The following MMP16 variants were observed in gnomAD, a reference collection of about 807,000 sequenced individuals.
The protein encoded by MMP16 is matrix metallopeptidase 16, also known as matrix metalloproteinase-16.
Under a neutral mutation model 67.8 loss-of-function variants are expected in MMP16, and 12 were observed. The observed-to-expected ratio is 0.18, with a 90% CI of 0.11 to 0.29. The LOEUF (loss-of-function observed/expected upper bound fraction) is 0.29, where lower values mean the gene tolerates loss of function less well. MMP16 is among the 10% of genes least tolerant of loss of function. The pLI is 1.00. For missense variants in MMP16, 475 were observed against 765.7 expected (o/e 0.62, Z 4.48); for synonymous variants, 249 against 255.9 (o/e 0.97, Z 0.26).
intron 6 of MMP16, among the ~76,000 whole-genome samples, chr8:88,104,989 A>G (rs1320308672): frequency 1.3e-5 from 2 of 151,632 alleles, no homozygotes; most frequent in South Asian, 2.1e-4. Flanking sequence ...TAGCCTAAGT[A>G]TAAAATATTT....
chr8:88,317,953 C>T (rs1317113995), intron 1 of MMP16, among the ~76,000 whole-genome samples: 1 of 152,048 alleles, frequency 6.6e-6, no homozygotes, highest in African/African-American at 2.4e-5. Context: ...AAAAATGTCG[C>T]TTTATATTAA....
chr8:88,228,468 G>A (rs533902861), intron 1 of MMP16, among the ~76,000 whole-genome samples: 1 of 152,038 alleles, frequency 6.6e-6, no homozygotes, highest in South Asian at 2.1e-4. Context: ...AATGTTAATG[G>A]AAAAATATCA....
At chr8:88,210,284 T>C (rs537710613) in intron 1 of MMP16, among the ~76,000 whole-genome samples, 20 of 152,330 alleles carry the variant, frequency 1.3e-4, no homozygotes, top group African/African-American at 3.1e-4. Flanking sequence ...GCTGCACTTA[T>C]TGAGATCACT....
chr8:88,237,415 C>T (rs1809958967), intron 1 of MMP16, among the ~76,000 whole-genome samples: 1 of 152,004 alleles, frequency 6.6e-6, no homozygotes, highest in African/African-American at 2.4e-5. Context: ...TTTGGGAGGC[C>T]GAGGCGGGTG....
chr8:88,074,772 C>T, intron 6 of MMP16, 29 bp from the exon 7 acceptor site: 1 of 1,606,776 alleles, frequency 6.2e-7, no homozygotes, highest in South Asian at 1.1e-5. Context: ...CATCTCTCAA[C>T]AAACACGTAG....
chr8:88,156,157 G>C (rs1808505287), intron 4 of MMP16, among the ~76,000 whole-genome samples: 1 of 152,196 alleles, frequency 6.6e-6, no homozygotes, highest in East Asian at 1.9e-4. Context: ...ATAACCCATA[G>C]AGAGGCTTTT....
chr8:88,284,833 T>C (rs978456716), intron 1 of MMP16, among the ~76,000 whole-genome samples: 5 of 150,684 alleles, frequency 3.3e-5, no homozygotes, highest in African/African-American at 9.8e-5. Context: ...TTCTTCTCTA[T>C]GCCTTTTTTT....
At chr8:88,138,575 C>T (rs942358980) in intron 4 of MMP16, among the ~76,000 whole-genome samples, 2 of 151,904 alleles carry the variant, frequency 1.3e-5, no homozygotes, top group African/African-American at 4.8e-5. Context: ...TCGTGGCTTC[C>T]TTCATGGCCT....
At chr8:88,235,923 T>C (rs1809933467) in intron 1 of MMP16, among the ~76,000 whole-genome samples, 1 of 151,960 alleles carries the variant, frequency 6.6e-6, no homozygotes, top group Admixed American at 6.6e-5. Flanking sequence ...AAAAGTTTCA[T>C]ATATATTATT....
At chr8:88,156,293 C>T (rs556619752) in intron 4 of MMP16, among the ~76,000 whole-genome samples, 1 of 152,162 alleles carries the variant, frequency 6.6e-6, no homozygotes, top group South Asian at 2.1e-4. Flanking sequence ...AGGACACATG[C>T]ATCTGGTACG....
intron 3 of MMP16, among the ~76,000 whole-genome samples, chr8:88,180,356 A>C (rs1388765081): frequency 6.6e-6 from 1 of 152,028 alleles, no homozygotes; most frequent in Non-Finnish European, 1.5e-5. Context: ...AATTTAACAA[A>C]AACAGAAAGC....
intron 1 of MMP16, among the ~76,000 whole-genome samples, chr8:88,242,270 A>G (rs556023648): frequency 1.2e-4 from 18 of 152,294 alleles, no homozygotes; most frequent in African/African-American, 4.3e-4. Flanking sequence ...TTAAAAATCA[A>G]GATTCATCAC....
In MMP16 at chr8:88,122,974, A is replaced by C. The variant is rs1807865248; in HGVS notation, c.710-4113T>G. ...TGGAAGTGAATTTTCCAACCCCTTC[A>C]TATGAGTGCAGCCCCGGCCAACATG... On this transcript the variant is annotated intron_variant, in intron 4 of 9. Coordinates refer to ENST00000286614, the MANE Select transcript of MMP16 (RefSeq NM_005941.5). Among the ~76,000 whole-genome samples, 4 of 150,876 alleles carry C rather than the reference A, an allele frequency of 2.7e-5. No individual in the cohort carries two copies. In the South Asian group the frequency reaches 8.3e-4, roughly 31 times the overall value.
chr8:88,311,912 A>G (rs1385182843), intron 1 of MMP16, among the ~76,000 whole-genome samples: 1 of 152,196 alleles, frequency 6.6e-6, no homozygotes, highest in Non-Finnish European at 1.5e-5. Context: ...CCCAAAATAG[A>G]CATCAGAAAT....
chr8:88,297,474 C>G (rs547595752), intron 1 of MMP16, among the ~76,000 whole-genome samples: 2 of 152,064 alleles, frequency 1.3e-5, no homozygotes, highest in African/African-American at 4.8e-5. Flanking sequence ...GCGTATGGCC[C>G]GCTCCAAAAA....
intron 1 of MMP16, among the ~76,000 whole-genome samples, chr8:88,253,704 T>C (rs1029763673): frequency 6.6e-6 from 1 of 151,866 alleles, no homozygotes; most frequent in Admixed American, 6.6e-5. Flanking sequence ...ATAAATAATA[T>C]ATAAAAAGAA....
intron 1 of MMP16, among the ~76,000 whole-genome samples, chr8:88,228,673 A>G (rs1056498661): frequency 6.6e-6 from 1 of 152,074 alleles, no homozygotes; most frequent in Non-Finnish European, 1.5e-5. Context: ...ATATGTGCAA[A>G]TTACTGATAT....
At chr8:88,207,277 A>G (rs1024636812) in intron 1 of MMP16, among the ~76,000 whole-genome samples, 1 of 152,240 alleles carries the variant, frequency 6.6e-6, no homozygotes, top group African/African-American at 2.4e-5. Context: ...TAATAACTGC[A>G]TAAAATTAAC....
At chr8:88,188,360 G>A (rs770319320) in intron 2 of MMP16, among the ~76,000 whole-genome samples, 32 of 152,090 alleles carry the variant, frequency 2.1e-4, no homozygotes, top group African/African-American at 3.9e-4. Flanking sequence ...CAAACAATAC[G>A]TAATTATGAA....
Sources: allele counts gnomAD v4.1 joint callset (sites outside exome capture counted in the v4.1 genomes callset), GRCh38; gene constraint gnomAD v4.1.1; transcripts MANE v1.5; gene names NCBI Gene and HGNC (gene_info 2026-07-23, HGNC 2026-07-21).